The following TOGARAM2 variants were observed in gnomAD, a reference collection of about 807,000 sequenced individuals.
TOGARAM2 encodes the protein TOG array regulator of axonemal microtubules protein 2.
Under a neutral mutation model 93.3 loss-of-function variants are expected in TOGARAM2, and 85 were observed. The ratio of observed to expected loss-of-function variants is 0.91; its 90% CI spans 0.76 to 1.09. TOGARAM2 has a LOEUF of 1.09. TOGARAM2 is among the 50% of genes least tolerant of loss of function. The pLI, the probability that TOGARAM2 is intolerant of heterozygous loss-of-function variation, is 0.00. For missense variants in TOGARAM2, 1,277 were observed against 1,334.5 expected, an observed-to-expected ratio of 0.96 and a Z score of 0.67; for synonymous variants, 593 against 552.8, an observed-to-expected ratio of 1.07 and a Z score of -1.02.
chr2:29,051,465 A>G (rs1198530072), intron 19 of TOGARAM2: 11 of 247,476 alleles, frequency 4.4e-5, no homozygotes, highest in Middle Eastern at 2.3e-3. Flanking sequence ...GAGATTCTGC[A>G]TATTTCTGCC....
At chr2:28,978,795 G>C (rs922435682), upstream of TOGARAM2, among the ~76,000 whole-genome samples, 1 of 152,090 alleles carries the variant, frequency 6.6e-6, no homozygotes, top group Non-Finnish European at 1.5e-5. Context: ...GCACACCCAG[G>C]AGAGTCGGGG....
At chr2:29,023,873 C>G (rs1440147344) in intron 12 of TOGARAM2, among the ~76,000 whole-genome samples, 19 of 152,242 alleles carry the variant, frequency 1.2e-4, no homozygotes, top group Admixed American at 1.2e-3. Flanking sequence ...AAGATCAAAT[C>G]AGACATTCTT....
intron 1 of TOGARAM2, among the ~76,000 whole-genome samples, chr2:28,975,986 G>A (rs1021002519): frequency 6.6e-6 from 1 of 152,016 alleles, no homozygotes; most frequent in African/African-American, 2.4e-5. Context: ...CATATTATAA[G>A]TATGTGAAAC....
At chr2:29,022,346 G>C in intron 11 of TOGARAM2, 38 bp downstream of exon 11, 1 of 1,607,798 alleles carries the variant, frequency 6.2e-7, no homozygotes, top group Non-Finnish European at 8.5e-7. Context: ...TGTTCTGGCC[G>C]GAAGCAGGGG....
At chr2:28,979,686 CAG>C (rs1672102573), upstream of TOGARAM2, among the ~76,000 whole-genome samples, 1 of 152,218 alleles carries the variant, frequency 6.6e-6, no homozygotes, top group Non-Finnish European at 1.5e-5. Context: ...CCAGTGGAGG[CAG>C]AGTGTGGAGA....
intron 6 of TOGARAM2, among the ~76,000 whole-genome samples, chr2:29,008,104 ATTTAT>A (rs1331840194): frequency 6.6e-6 from 1 of 151,928 alleles, no homozygotes; most frequent in Non-Finnish European, 1.5e-5. Context: ...GATTATTTAA[ATTTAT>A]TTTGTTTATT....
intron 6 of TOGARAM2, among the ~76,000 whole-genome samples, chr2:29,007,297 C>T (rs930645094): frequency 1.3e-5 from 2 of 152,164 alleles, no homozygotes; most frequent in African/African-American, 4.8e-5. Flanking sequence ...GGAGGTTGTG[C>T]CACCATCATG....
chr2:29,020,086 C>G (rs150711143), intron 10 of TOGARAM2, among the ~76,000 whole-genome samples: 1 of 152,222 alleles, frequency 6.6e-6, no homozygotes, highest in Non-Finnish European at 1.5e-5. Flanking sequence ...CTACTGTGTC[C>G]GGTCCCCATT....
chr2:29,047,573 G>C (rs1666815545), intron 19 of TOGARAM2: 1 of 152,216 alleles, frequency 6.6e-6, no homozygotes, highest in African/African-American at 2.4e-5. Flanking sequence ...TGAGTTTAAT[G>C]GGGCTTGCTC....
chr2:28,971,901 G>A (rs1671950687), intron 1 of TOGARAM2, among the ~76,000 whole-genome samples: 1 of 152,096 alleles, frequency 6.6e-6, no homozygotes, highest in Admixed American at 6.6e-5. Context: ...GCAGAGTTTT[G>A]CAATGTCTGT....
chr2:28,998,546 T>C lies in TOGARAM2; in HGVS notation c.139+293T>C, dbSNP rs1348507933. On this transcript the variant is annotated intron_variant, in intron 3 of 19. Transcript: ENST00000379558. ...GTTGGCAATGGGGAGGGGGCCCCTC[T>C]CAAGATGTCCACTCAGCGTCTCTGC... 3.9e-5 allele frequency among the ~76,000 whole-genome samples: 6 copies of C among 152,094 alleles called. No homozygotes were observed. In the East Asian group the frequency reaches 1.2e-3, roughly 29 times the overall value.
intron 1 of TOGARAM2, among the ~76,000 whole-genome samples, chr2:28,958,686 C>A (rs1446235913): frequency 6.6e-6 from 1 of 152,114 alleles, no homozygotes; most frequent in East Asian, 1.9e-4. Context: ...AGGGGAAGCA[C>A]GACCAGGTTG....
chr2:28,978,631 T>A (rs1672069609), upstream of TOGARAM2, among the ~76,000 whole-genome samples: 1 of 152,200 alleles, frequency 6.6e-6, no homozygotes, highest in South Asian at 2.1e-4. Context: ...CTGGGGTAGA[T>A]GGGGGCTATC....
At chr2:28,958,431 G>A (rs1184457614) in intron 1 of TOGARAM2, among the ~76,000 whole-genome samples, 6 of 151,734 alleles carry the variant, frequency 4.0e-5, no homozygotes, top group African/African-American at 4.8e-5. Context: ...TCAGCCTCCC[G>A]AGTAGCTGGG....
At chr2:28,965,832 A>C (rs887202084) in intron 1 of TOGARAM2, among the ~76,000 whole-genome samples, 1 of 151,922 alleles carries the variant, frequency 6.6e-6, no homozygotes, top group Non-Finnish European at 1.5e-5. Flanking sequence ...TCCCTGCTTC[A>C]TGGTCTAGAA....
intron 1 of TOGARAM2, among the ~76,000 whole-genome samples, chr2:28,963,823 C>T (rs1407764209): frequency 1.3e-5 from 2 of 152,156 alleles, no homozygotes; most frequent in Non-Finnish European, 2.9e-5. Context: ...GCCTGGCCAA[C>T]ATGGTGAAAA....
chr2:29,011,518 C>T lies in TOGARAM2; in HGVS notation c.877+17C>T. 1 of 1,597,804 alleles carries T rather than the reference C, an allele frequency of 6.3e-7. No individual in the cohort carries two copies. Among genetic ancestry groups the T allele is most frequent in the Non-Finnish European group, 8.5e-7 (1 of 1,173,890 alleles). On this transcript the variant is annotated intron_variant, in intron 7 of 19. Transcript: ENST00000379558. ...CATCTCTGGGTACGTATCTTCCATG[C>T]ACACCTCCCTTTGTTATTTGACTCT...
At chr2:28,957,388 C>T (rs936429324) in intron 1 of TOGARAM2, among the ~76,000 whole-genome samples, 2 of 152,102 alleles carry the variant, frequency 1.3e-5, no homozygotes, top group African/African-American at 4.8e-5. Flanking sequence ...GCCATGTTGG[C>T]CAGGCTAGTC....
intron 14 of TOGARAM2, among the ~76,000 whole-genome samples, chr2:29,028,642 G>C (rs1184452668): frequency 6.6e-6 from 1 of 152,048 alleles, no homozygotes; most frequent in African/African-American, 2.4e-5. Context: ...AAGCCTCTCT[G>C]GCTGCCGCAG....
Sources: gnomAD v4.1 joint callset for allele counts (sites outside exome capture counted in the v4.1 genomes callset) on GRCh38, gnomAD v4.1.1 for gene constraint, MANE v1.5 for transcripts, NCBI Gene and HGNC (gene_info 2026-07-23, HGNC 2026-07-21) for gene names.